Variants in KDM4C observed in about 807,000 individuals in gnomAD.
The protein encoded by KDM4C is lysine demethylase 4C.
In KDM4C, 81 loss-of-function variants were observed where a neutral mutation model predicts 129.3. The observed-to-expected ratio is 0.63, with a 90% CI of 0.52 to 0.75. The LOEUF (loss-of-function observed/expected upper bound fraction) is 0.75. Ranked by LOEUF, KDM4C falls within the 30% of genes least tolerant of loss-of-function variation. KDM4C has a pLI of 0.00. For synonymous variants in KDM4C, 573 were observed against 456.1 expected, an observed-to-expected ratio of 1.26 and a Z score of -3.26; for missense variants, 1,457 against 1,304.0, an observed-to-expected ratio of 1.12 and a Z score of -1.81.
At chr9:7,051,975 C>T (rs1587273453) in intron 17 of KDM4C, among the ~76,000 whole-genome samples, 1 of 152,154 alleles carries the variant, frequency 6.6e-6, no homozygotes, top group Non-Finnish European at 1.5e-5. Flanking sequence ...TGCCAGCTAT[C>T]CCCTGGGAGG....
At chr9:7,122,257 A>ACTCTCT (rs1177380751) in intron 18 of KDM4C, among the ~76,000 whole-genome samples, 7 of 105,970 alleles carry the variant, frequency 6.6e-5, no homozygotes, top group East Asian at 6.5e-4. Flanking sequence ...ACACACACAC[A>ACTCTCT]CACACACACT....
At chr9:7,111,971 C>T (rs961436234) in intron 18 of KDM4C, among the ~76,000 whole-genome samples, 1 of 151,982 alleles carries the variant, frequency 6.6e-6, no homozygotes, top group Non-Finnish European at 1.5e-5. Flanking sequence ...TTTGGGGAGG[C>T]TTCCTGGGAG....
At chr9:7,032,011 T>C (rs1161218979) in intron 15 of KDM4C, among the ~76,000 whole-genome samples, 1 of 152,168 alleles carries the variant, frequency 6.6e-6, no homozygotes, top group East Asian at 1.9e-4. Context: ...AACCTTAAGT[T>C]TCAGGTAAAG....
At chr9:6,808,757 AGTT>A (rs34354184) in intron 3 of KDM4C, among the ~76,000 whole-genome samples, 27,047 of 150,924 alleles carry the variant, frequency 0.18, 2,507 homozygotes, top group Middle Eastern at 0.22. Flanking sequence ...GTTACAAGCC[AGTT>A]GTTAAGTGTA....
intron 8 of KDM4C, among the ~76,000 whole-genome samples, chr9:6,931,771 G>A (rs142381388): frequency 1.9e-3 from 293 of 152,306 alleles, no homozygotes; most frequent in African/African-American, 6.7e-3. Flanking sequence ...AAAGTGTTGG[G>A]ATTACAGGCA....
chr9:6,839,096 T>A (rs933169710), intron 4 of KDM4C, among the ~76,000 whole-genome samples: 1 of 152,228 alleles, frequency 6.6e-6, no homozygotes, highest in Non-Finnish European at 1.5e-5. Context: ...TACATTAGCC[T>A]AGCTTTAAGT....
chr9:6,946,762 T>A (rs1031603377), intron 8 of KDM4C, among the ~76,000 whole-genome samples: 1 of 152,156 alleles, frequency 6.6e-6, no homozygotes, highest in African/African-American at 2.4e-5. Context: ...TTACATTTTT[T>A]AATGCCATTT....
chr9:6,880,826 C>T (rs1273042646), intron 6 of KDM4C, among the ~76,000 whole-genome samples: 1 of 152,104 alleles, frequency 6.6e-6, no homozygotes, highest in African/African-American at 2.4e-5. Context: ...GCGGCCTTGC[C>T]CTCATCTACT....
intron 8 of KDM4C, among the ~76,000 whole-genome samples, chr9:6,932,878 A>G (rs1824016196): frequency 1.3e-5 from 2 of 152,242 alleles, no homozygotes; most frequent in African/African-American, 4.8e-5. Context: ...TATGGCCCCA[A>G]AATATCAATC....
At chr9:7,021,328 A>G (rs1824816391) in intron 15 of KDM4C, among the ~76,000 whole-genome samples, 1 of 151,740 alleles carries the variant, frequency 6.6e-6, no homozygotes, top group African/African-American at 2.4e-5. Context: ...TGTTTTTAGT[A>G]GAGATGGGGT....
intron 8 of KDM4C, among the ~76,000 whole-genome samples, chr9:6,957,710 C>T (rs1023999312): frequency 2.8e-4 from 43 of 151,966 alleles, no homozygotes; most frequent in African/African-American, 9.9e-4. Context: ...CATGTTATAG[C>T]AGGAGCCATG....
chr9:7,098,998 A>AC (rs1186491285), intron 17 of KDM4C, among the ~76,000 whole-genome samples: 2 of 152,202 alleles, frequency 1.3e-5, no homozygotes, highest in Non-Finnish European at 2.9e-5. Flanking sequence ...AGCAATAGTG[A>AC]TGTCCGTTGA....
intron 5 of KDM4C, among the ~76,000 whole-genome samples, chr9:6,855,761 C>G (rs1158295583): frequency 6.6e-6 from 1 of 152,108 alleles, no homozygotes; most frequent in Non-Finnish European, 1.5e-5. Context: ...TAATTCAAGT[C>G]TTACTTTTTA....
chr9:6,758,287 GC>G lies in KDM4C; in HGVS notation c.-18+85del, dbSNP rs1382899302. 7.3e-5 allele frequency: 61 copies of G among 839,976 alleles called. No individual in the cohort carries two copies. Among genetic ancestry groups the G allele is most frequent in the Non-Finnish European group, 8.5e-5 (59 of 697,456 alleles). The allele number at this position is 839,976 out of a possible 1,614,324, so 52.0% of individuals were successfully genotyped here. Reference sequence around the variant, plus strand: ...CCGGCACTGCCCCCCTCCGCGTGGGGCACGGGGGTGCGGGCGTCCGGGCGAG... The same window carrying G: ...CCGGCACTGCCCCCCTCCGCGTGGGGACGGGGGTGCGGGCGTCCGGGCGAG... On this transcript the variant is annotated intron_variant, in intron 1 of 21. Transcript: ENST00000381309. The surrounding 1 kb of genome is among the most constrained non-coding windows in gnomAD (Gnocchi z 4.6).
At chr9:7,035,147 G>A (rs980024715) in intron 15 of KDM4C, among the ~76,000 whole-genome samples, 2 of 150,800 alleles carry the variant, frequency 1.3e-5, no homozygotes, top group Non-Finnish European at 3.0e-5. Flanking sequence ...CAAGTAGCTG[G>A]GACTACAGGC....
chr9:6,838,516 A>G (rs974633089), intron 4 of KDM4C, among the ~76,000 whole-genome samples: 2 of 152,092 alleles, frequency 1.3e-5, no homozygotes, highest in African/African-American at 2.4e-5. Context: ...AGCTCACTGC[A>G]GTCTTTTATT....
chr9:6,919,273 G>GTCTC (rs780125478), intron 8 of KDM4C, among the ~76,000 whole-genome samples: 1 of 37,094 alleles, frequency 2.7e-5, no homozygotes, highest in Non-Finnish European at 7.7e-5. Flanking sequence ...CTTTCTTTCT[G>GTCTC]TCTCTCTCTC....
chr9:7,095,815 T>A (rs1172841420), intron 17 of KDM4C, among the ~76,000 whole-genome samples: 1 of 152,180 alleles, frequency 6.6e-6, no homozygotes, highest in Non-Finnish European at 1.5e-5. Context: ...GACGGTGACT[T>A]TTGTTAACCA....
Position 6,747,610 on chromosome 9 carries a change from G to C in KDM4C, c.49+26613G>C, listed in dbSNP as rs1039985257. On this transcript the variant is annotated intron_variant, in intron 1 of 17. Coordinates refer to the KDM4C transcript ENST00000536108. ...GCTTTCAGGGCAATGGAGTTTTCTGGAAACAATCCACTGTATGCTCCTGAG... is the reference window on the plus strand; with the variant it reads ...GCTTTCAGGGCAATGGAGTTTTCTGCAAACAATCCACTGTATGCTCCTGAG... Among the ~76,000 whole-genome samples, 20 of 151,860 alleles carry C rather than the reference G, an allele frequency of 1.3e-4. 1 individual carries two copies. Among genetic ancestry groups the C allele is most frequent in the Admixed American group, 1.2e-3 (19 of 15,220 alleles).
Sources: gnomAD v4.1 joint callset for allele counts (sites outside exome capture counted in the v4.1 genomes callset) on GRCh38, gnomAD v4.1.1 for gene constraint, Gnocchi (gnomAD v3.1) non-coding constraint, MANE v1.5 for transcripts, NCBI Gene and HGNC (gene_info 2026-07-23, HGNC 2026-07-21) for gene names.